UPF2: variants seen among roughly 807,000 people sequenced by gnomAD.
UPF2 encodes UPF2 regulator of nonsense mediated mRNA decay, also known as regulator of nonsense transcripts 2.
In UPF2, 17 loss-of-function variants were observed where a neutral mutation model predicts 141.4. The ratio of observed to expected loss-of-function variants is 0.12; its 90% CI spans 0.08 to 0.18. The LOEUF is 0.18. UPF2 is among the 10% of genes least tolerant of loss of function. The probability of loss-of-function intolerance (pLI) is 1.00; values close to 1 mark genes in which losing one functional copy is unlikely to be tolerated. For missense variants in UPF2, 1,152 were observed against 1,515.9 expected, an observed-to-expected ratio of 0.76 and a Z score of 3.99; for synonymous variants, 540 against 498.0, an observed-to-expected ratio of 1.08 and a Z score of -1.12.
chr10:12,023,194 C>G (rs932931647), intron 3 of UPF2, among the ~76,000 whole-genome samples: 5 of 151,996 alleles, frequency 3.3e-5, no homozygotes, highest in African/African-American at 1.2e-4. Flanking sequence ...ACTAATAGGA[C>G]CTCTATAATA....
chr10:12,027,971 T>C (rs1224396995), intron 3 of UPF2, among the ~76,000 whole-genome samples: 1 of 152,194 alleles, frequency 6.6e-6, no homozygotes, highest in African/African-American at 2.4e-5. Context: ...GGCTATTACC[T>C]CTTTGCTACA....
At chr10:12,001,029 A>T (rs1833942643) in intron 6 of UPF2, among the ~76,000 whole-genome samples, 4 of 152,206 alleles carry the variant, frequency 2.6e-5, no homozygotes. Context: ...TATGTCATAG[A>T]ATTAAATCAA....
intron 12 of UPF2, among the ~76,000 whole-genome samples, chr10:11,958,832 A>G (rs1833195943): frequency 6.6e-6 from 1 of 152,224 alleles, no homozygotes; most frequent in African/African-American, 2.4e-5. Flanking sequence ...TATAACGTCT[A>G]CTAAAGGTTA....
chr10:11,950,391 C>T (rs958448192), intron 15 of UPF2, among the ~76,000 whole-genome samples: 2 of 152,160 alleles, frequency 1.3e-5, no homozygotes, highest in Admixed American at 6.5e-5. Context: ...TTTCTGCATA[C>T]GTCTTCTTCC....
intron 8 of UPF2, among the ~76,000 whole-genome samples, chr10:11,994,009 A>T (rs1833825493): frequency 6.6e-6 from 1 of 152,242 alleles, no homozygotes; most frequent in South Asian, 2.1e-4. Flanking sequence ...GAACCAAGAG[A>T]CATGGCTTAA....
chr10:11,938,106 T>A (rs1050904799), intron 18 of UPF2, among the ~76,000 whole-genome samples: 1 of 152,114 alleles, frequency 6.6e-6, no homozygotes, highest in African/African-American at 2.4e-5. Flanking sequence ...AACAATGCAG[T>A]ATGTTCTTTT....
chr10:12,003,282 C>T (rs999453982), intron 5 of UPF2, among the ~76,000 whole-genome samples: 1 of 152,158 alleles, frequency 6.6e-6, no homozygotes, highest in Non-Finnish European at 1.5e-5. Context: ...CAGAATGACG[C>T]TAAGCTGTCA....
intron 12 of UPF2, among the ~76,000 whole-genome samples, chr10:11,958,670 A>G (rs968998355): frequency 6.6e-6 from 1 of 152,222 alleles, no homozygotes; most frequent in African/African-American, 2.4e-5. Context: ...GGTAACTACA[A>G]TTATTAAGAT....
chr10:12,005,414 T>G (rs546976398), intron 4 of UPF2, among the ~76,000 whole-genome samples: 33 of 152,232 alleles, frequency 2.2e-4, no homozygotes, highest in Admixed American at 5.9e-4. Flanking sequence ...CAGAGAAAGT[T>G]TAGGTAATTT....
At chr10:12,015,741 T>C (rs1414629020) in intron 3 of UPF2, among the ~76,000 whole-genome samples, 1 of 152,166 alleles carries the variant, frequency 6.6e-6, no homozygotes, top group African/African-American at 2.4e-5. Context: ...ACAATTCAAG[T>C]AACAATATTT....
intron 11 of UPF2, among the ~76,000 whole-genome samples, chr10:11,960,623 G>A (rs151068681): frequency 2.6e-5 from 4 of 151,846 alleles, no homozygotes; most frequent in Admixed American, 6.6e-5. Context: ...ACCCAGGCAC[G>A]GTAGTATGCG....
At chr10:12,030,956 C>T (rs567112486) in intron 2 of UPF2, among the ~76,000 whole-genome samples, 176 of 151,536 alleles carry the variant, frequency 1.2e-3, no homozygotes, top group Non-Finnish European at 2.0e-3. Context: ...GGGTGGATCA[C>T]GAGGTTAGGA....
At chr10:11,946,437 C>G (rs1014938436) in intron 16 of UPF2, among the ~76,000 whole-genome samples, 11 of 151,944 alleles carry the variant, frequency 7.2e-5, no homozygotes, top group Non-Finnish European at 1.3e-4. Flanking sequence ...AATATTAAAC[C>G]AACATTCTCA....
At chr10:11,954,497 G>T (rs1440796286) in intron 14 of UPF2, among the ~76,000 whole-genome samples, 1 of 151,668 alleles carries the variant, frequency 6.6e-6, no homozygotes, top group African/African-American at 2.4e-5. Flanking sequence ...AGCCGGGTGT[G>T]GTGGAGTACA....
At chr10:12,011,488 T>TGGCGCA (rs1834126742) in intron 4 of UPF2, among the ~76,000 whole-genome samples, 1 of 151,916 alleles carries the variant, frequency 6.6e-6, no homozygotes, top group Admixed American at 6.6e-5. Context: ...GTCCCAGTTA[T>TGGCGCA]TGCTTGGGAG....
Position 12,001,716 on chromosome 10 carries a change from A to G in UPF2, c.1614T>C (p.Asp538=). ...NDDTLELEGG[D]EAEDLTKKLL... ...GTTTCTTTGTAAGATCTTCAGCTTC[A>G]TCTCCACCCTCTAATTCTAAGGTGT... is the stretch of plus-strand genomic sequence containing the variant. The change falls in exon 6 of 22, where the codon GAT becomes GAC. Residue 538 remains aspartate (D), a synonymous_variant. Transcript: ENST00000357604. The G allele has an allele frequency of 6.2e-7, 1 of 1,609,654 alleles. No individual in the cohort carries two copies. The highest frequency in any genetic ancestry group is 8.5e-7 in the Non-Finnish European group (1 of 1,178,876).
chr10:11,979,959 G>A lies in UPF2; in HGVS notation c.1845-794C>T, dbSNP rs1191663667. Among the ~76,000 whole-genome samples the A allele has an allele frequency of 6.6e-6, 1 of 152,076 alleles. No individual in the cohort carries two copies. Among genetic ancestry groups the A allele is most frequent in the Non-Finnish European group, 1.5e-5 (1 of 68,020 alleles). On this transcript the variant is annotated intron_variant, in intron 8 of 21. Transcript: ENST00000357604. This position sits in a 1 kb window ranked among gnomAD's most constrained non-coding sequence, Gnocchi z 6.2. ...AATAACTGAAAAAACCTCTACGAAG[G>A]CAAAATAATATTACAAAATCTAAAT...
intron 8 of UPF2, among the ~76,000 whole-genome samples, chr10:11,981,082 G>A (rs749389444): frequency 1.3e-5 from 2 of 152,034 alleles, no homozygotes; most frequent in Non-Finnish European, 2.9e-5. Flanking sequence ...CCAGCTACTC[G>A]GGCCTGGGAG....
chr10:12,008,629 C>CAAAAAAAAAAAAAAAAAA (rs60750390), intron 4 of UPF2, among the ~76,000 whole-genome samples: 1 of 74,974 alleles, frequency 1.3e-5, no homozygotes, highest in African/African-American at 5.2e-5. Flanking sequence ...GACACCACCT[C>CAAAAAAAAAAAAAAAAAA]AAAAAAAAAA....
Sources: gnomAD v4.1 joint callset for allele counts (sites outside exome capture counted in the v4.1 genomes callset) on GRCh38, gnomAD v4.1.1 for gene constraint, Gnocchi (gnomAD v3.1) non-coding constraint, MANE v1.5 for transcripts, NCBI Gene and HGNC (gene_info 2026-07-23, HGNC 2026-07-21) for gene names.